PPFIA1: variants seen among roughly 807,000 people sequenced by gnomAD.
PPFIA1 encodes liprin-alpha-1.
PPFIA1 carries 25 observed loss-of-function variants against 149.9 expected under a neutral mutation model. That is an observed-to-expected ratio of 0.17 (90% CI 0.12 to 0.23). The LOEUF is 0.23. Ranked by LOEUF, PPFIA1 falls within the 10% of genes least tolerant of loss-of-function variation. PPFIA1 has a pLI of 1.00. For missense variants in PPFIA1, 1,362 were observed against 1,506.5 expected (o/e 0.90, Z 1.59); for synonymous variants, 549 against 552.8 (o/e 0.99, Z 0.10).
At chr11:70,334,615 T>G (rs1339589879) in intron 10 of PPFIA1, 4 of 152,260 alleles carry the variant, frequency 2.6e-5, no homozygotes, top group Non-Finnish European at 5.9e-5. Context: ...TGGCACATGA[T>G]GTGCTGGACC....
At chr11:70,299,098 G>A (rs2052295016) in intron 2 of PPFIA1, among the ~76,000 whole-genome samples, 1 of 152,130 alleles carries the variant, frequency 6.6e-6, no homozygotes, top group East Asian at 1.9e-4. Context: ...AATTAGCCAA[G>A]CGTGGTGGTG....
intron 2 of PPFIA1, among the ~76,000 whole-genome samples, chr11:70,298,663 A>G (rs777398590): frequency 6.6e-6 from 1 of 152,170 alleles, no homozygotes; most frequent in Non-Finnish European, 1.5e-5. Flanking sequence ...TGAAAACATC[A>G]GCTGCTGCTC....
chr11:70,318,142 C>G (rs994592128), intron 2 of PPFIA1, among the ~76,000 whole-genome samples: 1 of 152,168 alleles, frequency 6.6e-6, no homozygotes, highest in African/African-American at 2.4e-5. Flanking sequence ...CTAAGTGCCG[C>G]CAGCATCTCT....
Position 70,330,297 on chromosome 11 carries a change from A to G in PPFIA1, c.1055A>G (p.Asn352Ser), listed in dbSNP as rs764612473. 3.2e-6 allele frequency: 5 copies of G among 1,586,014 alleles called. No individual in the cohort carries two copies. The East Asian group carries it at 6.9e-5, about 22-fold the overall frequency. The change falls in exon 8 of 28, where the codon AAT (asparagine) becomes AGT (serine). Residue 352 changes from asparagine to serine, a missense_variant. Asn to Ser is a conservative substitution (Grantham distance 46, BLOSUM62 1). Around this residue, in one of 7 missense-constraint regions of PPFIA1, gnomAD observed 733 missense variants for 744.1 expected, o/e 0.99. Transcript: ENST00000253925. ...GATAAACTTGAAAATGAAATTGCAA[A>G]TAAAGATTCTATGCATCGACAGGTA... Reference protein sequence around the residue: ...LNDKLENEIANKDSMHRQTED... With the variant: ...LNDKLENEIASKDSMHRQTED...
Position 70,354,426 on chromosome 11 carries a change from C to T in PPFIA1, c.2289C>T (p.Ser763=). The change falls in exon 17 of 28, where the codon AGC becomes AGT. Residue 763 remains serine (S), a synonymous_variant. Transcript: ENST00000253925. ...ACAAAGGGGCGCTGCACACCGTCAG[C>T]CACGAGGACATCAGGGACATAAGGA... The part of the protein sequence containing the change: ...RLHKGALHTV[S]HEDIRDIRNS... The T allele has an allele frequency of 1.9e-6, 3 of 1,613,886 alleles. No homozygotes were observed. The highest frequency in any genetic ancestry group is 2.5e-6 in the Non-Finnish European group (3 of 1,179,964).
chr11:70,292,993 G>A (rs1204239714), intron 2 of PPFIA1, among the ~76,000 whole-genome samples: 1 of 152,222 alleles, frequency 6.6e-6, no homozygotes, highest in African/African-American at 2.4e-5. Context: ...CGGGGCAGCT[G>A]CTTGGGCTTC....
intron 2 of PPFIA1, among the ~76,000 whole-genome samples, chr11:70,273,317 A>T (rs1381291152): frequency 6.6e-6 from 1 of 152,154 alleles, no homozygotes; most frequent in Non-Finnish European, 1.5e-5. Flanking sequence ...AGTATGTTAC[A>T]TTTGGACCAG....
chr11:70,378,199 T>C lies in PPFIA1; in HGVS notation c.3550+4T>C, dbSNP rs2057563233. 6.2e-7 allele frequency: 1 copy of C among 1,613,228 alleles called. No individual in the cohort carries two copies. The highest frequency in any genetic ancestry group is 8.5e-7 in the Non-Finnish European group (1 of 1,179,472). ...CCAAAGAAGATGCAGATGGACGGTA[T>C]GTGATGGGTCACACTAACCTGTCAC... On this transcript the variant is annotated splice_donor_region_variant and intron_variant, in intron 26 of 27. Transcript: ENST00000253925.
intron 21 of PPFIA1, among the ~76,000 whole-genome samples, chr11:70,363,865 C>T (rs2056788108): frequency 6.6e-6 from 1 of 152,010 alleles, no homozygotes; most frequent in Admixed American, 6.5e-5. Flanking sequence ...TACTTGTTAT[C>T]CCACCGTCAA....
At chr11:70,313,442 C>T (rs924367985) in intron 2 of PPFIA1, among the ~76,000 whole-genome samples, 2 of 151,994 alleles carry the variant, frequency 1.3e-5, no homozygotes, top group African/African-American at 2.4e-5. Flanking sequence ...AGAATGGATC[C>T]GAGCGGGGAA....
chr11:70,353,726 C>G (rs2056200479), intron 16 of PPFIA1, among the ~76,000 whole-genome samples: 1 of 152,126 alleles, frequency 6.6e-6, no homozygotes, highest in Non-Finnish European at 1.5e-5. Flanking sequence ...TAGTGTCCAT[C>G]CAAACATTGA....
chr11:70,375,993 T>C (rs1409187124), intron 24 of PPFIA1, among the ~76,000 whole-genome samples: 1 of 151,938 alleles, frequency 6.6e-6, no homozygotes, highest in Non-Finnish European at 1.5e-5. Context: ...GGAGTTGTTT[T>C]TTTGTTTGTT....
At chr11:70,295,056 A>G (rs939973433) in intron 2 of PPFIA1, among the ~76,000 whole-genome samples, 2 of 152,120 alleles carry the variant, frequency 1.3e-5, no homozygotes, top group Non-Finnish European at 2.9e-5. Context: ...GCCCGTTCTC[A>G]ATGAGCTGTT....
chr11:70,381,478 T>A (rs1336925108), intron 26 of PPFIA1, among the ~76,000 whole-genome samples: 1 of 152,238 alleles, frequency 6.6e-6, no homozygotes, highest in Non-Finnish European at 1.5e-5. Flanking sequence ...AGATCAGCTT[T>A]CACCCCACTC....
chr11:70,282,556 T>A (rs2050826002), intron 2 of PPFIA1: 1 of 129,218 alleles, frequency 7.7e-6, no homozygotes, highest in Non-Finnish European at 1.6e-5. Flanking sequence ...TGAGATGGAG[T>A]CTTGCTCTGT....
At chr11:70,319,079 A>C (rs750574723) in intron 2 of PPFIA1, among the ~76,000 whole-genome samples, 1 of 152,136 alleles carries the variant, frequency 6.6e-6, no homozygotes, top group Non-Finnish European at 1.5e-5. Context: ...CCAAACCCAA[A>C]CTTTTACACC....
At chr11:70,284,742 T>G (rs1292482032) in intron 2 of PPFIA1, among the ~76,000 whole-genome samples, 1 of 152,128 alleles carries the variant, frequency 6.6e-6, no homozygotes, top group Non-Finnish European at 1.5e-5. Flanking sequence ...GTGGGGCTAC[T>G]TGAGCAAAGG....
At chr11:70,273,145 G>T (rs895169295) in intron 2 of PPFIA1, among the ~76,000 whole-genome samples, 1 of 152,168 alleles carries the variant, frequency 6.6e-6, no homozygotes, top group Admixed American at 6.5e-5. Flanking sequence ...GAGCGTGGTA[G>T]CGCGCATCTG....
intron 2 of PPFIA1, among the ~76,000 whole-genome samples, chr11:70,284,240 G>A (rs538235300): frequency 2.0e-5 from 3 of 152,246 alleles, no homozygotes; most frequent in Admixed American, 6.5e-5. Flanking sequence ...TTTACTGACT[G>A]TTTCTTAGTA....
Sources: gnomAD v4.1 joint callset for allele counts (sites outside exome capture counted in the v4.1 genomes callset) on GRCh38, gnomAD v4.1.1 for gene constraint, gnomAD v4.1.1 regional missense constraint, MANE v1.5 for transcripts, NCBI Gene and HGNC (gene_info 2026-07-23, HGNC 2026-07-21) for gene names.